The following AKAP6 variants were observed in gnomAD, a reference collection of about 807,000 sequenced individuals.
AKAP6 encodes A-kinase anchor protein 6.
A neutral mutation model predicts 188.5 loss-of-function variants in AKAP6; 58 were observed. That is an observed-to-expected ratio of 0.31 (90% CI 0.25 to 0.38). AKAP6 has a LOEUF of 0.38. Ranked by LOEUF, AKAP6 falls within the 10% of genes least tolerant of loss-of-function variation. The pLI is 1.00. For missense variants in AKAP6, 2,710 were observed against 2,740.0 expected, an observed-to-expected ratio of 0.99 and a Z score of 0.24; for synonymous variants, 989 against 998.6, an observed-to-expected ratio of 0.99 and a Z score of 0.18.
chr14:32,582,061 C>T (rs1483176014), intron 5 of AKAP6, among the ~76,000 whole-genome samples: 5 of 147,930 alleles, frequency 3.4e-5, no homozygotes, highest in South Asian at 2.2e-4. Context: ...TTATTTTGCT[C>T]GTTAGTTGAT....
At chr14:32,712,979 CAG>C (rs1452547636) in intron 9 of AKAP6, among the ~76,000 whole-genome samples, 2 of 151,396 alleles carry the variant, frequency 1.3e-5, no homozygotes, top group African/African-American at 4.8e-5. Context: ...CTATCTATGG[CAG>C]CTATAGCCGT....
intron 2 of AKAP6, among the ~76,000 whole-genome samples, chr14:32,492,798 A>G (rs140433280): frequency 9.6e-4 from 146 of 152,322 alleles, no homozygotes; most frequent in Non-Finnish European, 1.7e-3. Context: ...TGGTCCAAAT[A>G]CTTTTGCCAC....
intron 4 of AKAP6, among the ~76,000 whole-genome samples, chr14:32,565,830 T>C (rs1243249622): frequency 6.6e-6 from 1 of 152,240 alleles, no homozygotes; most frequent in Non-Finnish European, 1.5e-5. Flanking sequence ...CAGAATAAGC[T>C]GTTCTCTCTT....
intron 11 of AKAP6, among the ~76,000 whole-genome samples, chr14:32,768,523 A>T (rs2032787702): frequency 6.6e-6 from 1 of 152,216 alleles, no homozygotes; most frequent in South Asian, 2.1e-4. Context: ...ATATCACTGG[A>T]TGAAAAGATC....
intron 7 of AKAP6, among the ~76,000 whole-genome samples, chr14:32,607,891 A>C (rs1274065505): frequency 1.3e-5 from 2 of 152,066 alleles, no homozygotes; most frequent in African/African-American, 4.8e-5. Flanking sequence ...GCTACTGTGG[A>C]TTTTTCAATA....
intron 4 of AKAP6, among the ~76,000 whole-genome samples, chr14:32,566,653 C>A (rs186993375): frequency 6.6e-6 from 1 of 151,950 alleles, no homozygotes; most frequent in Non-Finnish European, 1.5e-5. Context: ...ACATGGAGTT[C>A]GAACAAAAAA....
chr14:32,797,462 G>C (rs1447866029), intron 12 of AKAP6, among the ~76,000 whole-genome samples: 1 of 152,214 alleles, frequency 6.6e-6, no homozygotes, highest in East Asian at 1.9e-4. Context: ...GTCCTTTGCA[G>C]GGATATGGAT....
At chr14:32,627,168 A>G (rs1887058794) in intron 7 of AKAP6, among the ~76,000 whole-genome samples, 2 of 152,162 alleles carry the variant, frequency 1.3e-5, no homozygotes. Flanking sequence ...TCAAATGCTC[A>G]GTTCATTCAT....
At chr14:32,400,895 A>AAGAATC (rs1375594095) in intron 1 of AKAP6, among the ~76,000 whole-genome samples, 5 of 152,204 alleles carry the variant, frequency 3.3e-5, no homozygotes, top group Non-Finnish European at 7.3e-5. Flanking sequence ...ACCACAATAT[A>AAGAATC]AGAATCAGTC....
intron 11 of AKAP6, among the ~76,000 whole-genome samples, chr14:32,769,873 T>C (rs116408770): frequency 6.4e-4 from 98 of 152,308 alleles, no homozygotes; most frequent in African/African-American, 1.6e-3. Flanking sequence ...TTATAAACTA[T>C]ATGACATTCA....
chr14:32,639,876 C>T (rs546603280), intron 7 of AKAP6, among the ~76,000 whole-genome samples: 34 of 152,142 alleles, frequency 2.2e-4, no homozygotes, highest in African/African-American at 8.2e-4. Context: ...GAAGAGAGTG[C>T]AAGTAGGACT....
chr14:32,461,906 AAC>A (rs1348247465), intron 2 of AKAP6, among the ~76,000 whole-genome samples: 13 of 152,102 alleles, frequency 8.5e-5, no homozygotes, highest in African/African-American at 2.4e-4. Flanking sequence ...TGGAGCTGAA[AAC>A]ACAGCATGAG....
intron 1 of AKAP6, among the ~76,000 whole-genome samples, chr14:32,360,290 G>C (rs889336498): frequency 2.4e-4 from 36 of 152,040 alleles, no homozygotes; most frequent in African/African-American, 8.7e-4. Context: ...ACCACATCCA[G>C]CTAATTTTTG....
chr14:32,835,090 TTACG>T lies in AKAP6; in HGVS notation c.*5289_*5292del, dbSNP rs1294919633. 6.6e-6 allele frequency: 1 copy of T among 152,212 alleles called. No individual in the cohort carries two copies. The highest frequency in any genetic ancestry group is 1.5e-5 in the Non-Finnish European group (1 of 68,030). 9.4% of individuals were successfully genotyped at this position (152,212 alleles called of 1,614,324 possible). A position where few individuals can be genotyped will look rare whatever the true frequency, so the allele number is the denominator to read the frequency against. On this transcript the variant is annotated 3_prime_UTR_variant, in exon 14 of 14. Coordinates refer to ENST00000280979, the MANE Select transcript of AKAP6 (RefSeq NM_004274.5). ...ACGGATGCTTTGACACTATACAAAG[TTACG>T]TACTTGCAACAAAAGCCATATGGCC...
At chr14:32,436,341 A>G (rs555354476) in intron 2 of AKAP6, among the ~76,000 whole-genome samples, 3 of 152,314 alleles carry the variant, frequency 2.0e-5, no homozygotes, top group African/African-American at 7.2e-5. Context: ...TCTAGTGGGC[A>G]TCTCAAGCCC....
chr14:32,782,114 G>A (rs1322825389), intron 12 of AKAP6, among the ~76,000 whole-genome samples: 1 of 139,318 alleles, frequency 7.2e-6, no homozygotes, highest in Non-Finnish European at 1.5e-5. Flanking sequence ...GCAGTGAGCC[G>A]AGATCACGCC....
intron 12 of AKAP6, among the ~76,000 whole-genome samples, chr14:32,779,773 G>C (rs1291806507): frequency 3.3e-5 from 5 of 152,084 alleles, no homozygotes; most frequent in Admixed American, 3.3e-4. Context: ...AATCAGTAAA[G>C]ATATAAAAGA....
chr14:32,454,538 A>G (rs1313108095), intron 2 of AKAP6, among the ~76,000 whole-genome samples: 1 of 152,188 alleles, frequency 6.6e-6, no homozygotes, highest in African/African-American at 2.4e-5. Flanking sequence ...CAACTATGAA[A>G]CAGTAGAAAA....
Position 32,705,410 on chromosome 14 carries a change from C to T in AKAP6, c.3000+9300C>T, listed in dbSNP as rs552384242. Among the ~76,000 whole-genome samples, 6 of 152,188 alleles carry T rather than the reference C, an allele frequency of 3.9e-5. No individual in the cohort carries two copies. In the South Asian group the frequency reaches 1.0e-3, roughly 26 times the overall value. ...AGGGAACAAAAACAGATGTTATCTT[C>T]TTCAACATTTGATAAAAAGAGAAGT... is the stretch of plus-strand genomic sequence containing the variant. On this transcript the variant is annotated intron_variant, in intron 9 of 13. Coordinates refer to ENST00000280979, the MANE Select transcript of AKAP6 (RefSeq NM_004274.5).
Sources: gnomAD v4.1 joint callset for allele counts (sites outside exome capture counted in the v4.1 genomes callset) on GRCh38, gnomAD v4.1.1 for gene constraint, MANE v1.5 for transcripts, NCBI Gene and HGNC (gene_info 2026-07-23, HGNC 2026-07-21) for gene names.